ANXA3: variants seen among roughly 807,000 people sequenced by gnomAD.
ANXA3 encodes the protein 35-alpha calcimedin.
Under a neutral mutation model 48.8 loss-of-function variants are expected in ANXA3, and 46 were observed. That is an observed-to-expected ratio of 0.94 (90% CI 0.74 to 1.21). The LOEUF (loss-of-function observed/expected upper bound fraction) is 1.21. Ranked by LOEUF, ANXA3 falls within the 50% of genes most tolerant of loss-of-function variation. The probability of loss-of-function intolerance (pLI) is 0.00; values close to 1 mark genes in which losing one functional copy is unlikely to be tolerated. For missense variants in ANXA3, 383 were observed against 378.6 expected, an observed-to-expected ratio of 1.01 and a Z score of -0.10; for synonymous variants, 128 against 134.7, an observed-to-expected ratio of 0.95 and a Z score of 0.35.
chr4:78,591,645 T>C (rs1460274092), intron 7 of ANXA3, 22 bp downstream of exon 7: 1 of 1,573,510 alleles, frequency 6.4e-7, no homozygotes, highest in Non-Finnish European at 8.7e-7. Flanking sequence ...TTTTTTATTT[T>C]TTAACTCCCC....
In ANXA3 at chr4:78,572,071, G is replaced by A. The variant is rs562119715; in HGVS notation, c.16-1109G>A. On this transcript the variant is annotated intron_variant, in intron 2 of 12. Transcript: ENST00000264908. ...CTGTAAACCACAGTTACTTCTGTGCGAGATGCCATGATGAGCTTTGAATTA... is the reference window on the plus strand; with the variant it reads ...CTGTAAACCACAGTTACTTCTGTGCAAGATGCCATGATGAGCTTTGAATTA... 1.1e-4 allele frequency among the ~76,000 whole-genome samples: 17 copies of A among 152,304 alleles called. No homozygotes were observed. In the South Asian group the frequency reaches 2.7e-3, roughly 24 times the overall value.
chr4:78,585,937 A>G (rs1190862539), intron 5 of ANXA3, among the ~76,000 whole-genome samples: 1 of 152,196 alleles, frequency 6.6e-6, no homozygotes, highest in Non-Finnish European at 1.5e-5. Context: ...ACATAGTGGA[A>G]TGTTTGAATG....
chr4:78,601,439 A>G (rs1578404582), intron 10 of ANXA3, 71 bp from the exon 11 acceptor site: 2 of 1,420,914 alleles, frequency 1.4e-6, no homozygotes, highest in Non-Finnish European at 2.0e-6. Flanking sequence ...TTTTTAAAAA[A>G]CATATTACTT....
rs549767449 is a variant in ANXA3, at chr4:78,594,424, T to C, written c.484-957T>C. Among the ~76,000 whole-genome samples, 14 of 152,348 alleles carry C rather than the reference T, an allele frequency of 9.2e-5. No homozygotes were observed. The South Asian group carries it at 2.9e-3, about 32-fold the overall frequency. ...CGAGGGGTGCAATTGCTTGATTATA[T>C]AGTAAGAGATATTTAGCTTTATTAA... is the stretch of plus-strand genomic sequence containing the variant. On this transcript the variant is annotated intron_variant, in intron 7 of 12. Transcript: ENST00000264908.
At chr4:78,558,435 C>T (rs1349247274) in intron 2 of ANXA3, among the ~76,000 whole-genome samples, 1 of 152,136 alleles carries the variant, frequency 6.6e-6, no homozygotes, top group Non-Finnish European at 1.5e-5. Flanking sequence ...TTTTTTCTCT[C>T]TGCCACACAA....
At position 78,597,415 on chromosome 4, in the gene ANXA3, G is replaced by T. The variant is rs1482171080; in HGVS notation, c.730+1G>T. On this transcript the variant is annotated splice_donor_variant, in intron 10 of 12. Transcript: ENST00000264908. LOFTEE classifies it high-confidence loss of function. ...TTTGAAGACTTACTGTTGGCCATAG[G>T]TAAGACTTCGAGTGCTGGTAAACTA... 1 of 1,587,676 alleles carries T rather than the reference G, an allele frequency of 6.3e-7. No homozygotes were observed. The highest frequency in any genetic ancestry group is 2.2e-5 in the East Asian group (1 of 44,654).
At chr4:78,601,402 T>C in intron 10 of ANXA3, 108 bp from the exon 11 acceptor site, 3 of 970,874 alleles carry the variant, frequency 3.1e-6, no homozygotes, top group Non-Finnish European at 4.8e-6. Context: ...GGGGAGGGGA[T>C]AGAGTGGTAT....
intron 2 of ANXA3, among the ~76,000 whole-genome samples, chr4:78,563,479 AG>A (rs1722665059): frequency 7.4e-6 from 1 of 135,760 alleles, no homozygotes; most frequent in Non-Finnish European, 1.7e-5. Flanking sequence ...TGATTAGGTT[AG>A]GTGGGGATTA....
At chr4:78,558,374 C>A (rs1050821112) in intron 2 of ANXA3, among the ~76,000 whole-genome samples, 1 of 152,216 alleles carries the variant, frequency 6.6e-6, no homozygotes, top group Non-Finnish European at 1.5e-5. Flanking sequence ...ATGGTAAAAA[C>A]CCTCAGATTT....
chr4:78,574,567 T>G (rs1287799099), intron 3 of ANXA3, among the ~76,000 whole-genome samples: 1 of 152,236 alleles, frequency 6.6e-6, no homozygotes, highest in Non-Finnish European at 1.5e-5. Flanking sequence ...TACATATACA[T>G]GTACATATTG....
intron 2 of ANXA3, among the ~76,000 whole-genome samples, chr4:78,558,286 T>C (rs1279024492): frequency 6.6e-6 from 1 of 152,232 alleles, no homozygotes; most frequent in African/African-American, 2.4e-5. Flanking sequence ...TATTGAAAGA[T>C]GAAAAAGTTC....
In ANXA3 at chr4:78,610,074, T is replaced by C. The variant is rs1723726393; in HGVS notation, c.931T>C (p.Tyr311His). Residue 311 changes from tyrosine (Y) to histidine (H), a missense_variant, in exon 13 of 13, where the codon TAT (tyrosine) becomes CAT (histidine). Transcript: ENST00000264908. Reference sequence around the variant, plus strand: ...TTTGCAGTCGGATACTTCTGGAGACTATGAAATCACACTCTTAAAAATCTG... The same window carrying C: ...TTTGCAGTCGGATACTTCTGGAGACCATGAAATCACACTCTTAAAAATCTG... ...SAIKSDTSGD[Y>H]EITLLKICGG... is the part of the protein sequence containing the mutation. The C allele has an allele frequency of 6.2e-7, 1 of 1,611,138 alleles. No homozygotes were observed. The highest frequency in any genetic ancestry group is 8.5e-7 in the Non-Finnish European group (1 of 1,177,988).
At chr4:78,580,977 A>T (rs971827902) in intron 4 of ANXA3, among the ~76,000 whole-genome samples, 1 of 152,230 alleles carries the variant, frequency 6.6e-6, no homozygotes, top group Non-Finnish European at 1.5e-5. Context: ...ATGGAGGTGG[A>T]GGGGAACAAC....
At chr4:78,561,741 T>A (rs557973531) in intron 2 of ANXA3, among the ~76,000 whole-genome samples, 1 of 152,192 alleles carries the variant, frequency 6.6e-6, no homozygotes, top group African/African-American at 2.4e-5. Context: ...ACAGGCATCT[T>A]TCCTGGTTAG....
At chr4:78,552,715 C>T (rs556980040) in intron 1 of ANXA3, among the ~76,000 whole-genome samples, 11 of 152,138 alleles carry the variant, frequency 7.2e-5, no homozygotes, top group Admixed American at 2.0e-4. Flanking sequence ...CCCTGCCCTC[C>T]GGGAAAGATA....
chr4:78,556,682 T>G (rs980873966), intron 2 of ANXA3, among the ~76,000 whole-genome samples: 5 of 152,156 alleles, frequency 3.3e-5, no homozygotes, highest in African/African-American at 1.2e-4. Flanking sequence ...GGCTAAACTC[T>G]CATCTTTCAT....
intron 8 of ANXA3, 115 bp from the exon 9 acceptor site, chr4:78,595,677 TGA>T: frequency 1.3e-6 from 1 of 766,290 alleles, no homozygotes; most frequent in Non-Finnish European, 2.1e-6. Context: ...CTTCTGAAAG[TGA>T]GAGATTTAGA....
intron 3 of ANXA3, among the ~76,000 whole-genome samples, chr4:78,577,428 G>A (rs2109934524): frequency 6.6e-6 from 1 of 152,286 alleles, no homozygotes; most frequent in East Asian, 1.9e-4. Flanking sequence ...CTGAGTTTCA[G>A]ATACTTGTGC....
intron 5 of ANXA3, 58 bp from the exon 6 acceptor site, chr4:78,586,202 A>G: frequency 1.4e-5 from 19 of 1,360,656 alleles, no homozygotes; most frequent in Non-Finnish European, 1.9e-5. Flanking sequence ...TAAGACCAAA[A>G]GGCATGAGAT....
Sources: gnomAD v4.1 joint callset for allele counts (sites outside exome capture counted in the v4.1 genomes callset) on GRCh38, gnomAD v4.1.1 for gene constraint, MANE v1.5 for transcripts, NCBI Gene and HGNC (gene_info 2026-07-23, HGNC 2026-07-21) for gene names.